EYS: variants seen among roughly 807,000 people sequenced by gnomAD.
EYS encodes EGF-like photoreceptor maintenance factor.
EYS carries 250 observed loss-of-function variants against 282.1 expected under a neutral mutation model. That is an observed-to-expected ratio of 0.89 (90% CI 0.80 to 0.98). EYS has a LOEUF of 0.98. EYS is among the 50% of genes least tolerant of loss of function. The pLI, the probability that EYS is intolerant of heterozygous loss-of-function variation, is 0.00. For synonymous variants in EYS, 1,355 were observed against 1,282.9 expected (o/e 1.06, Z -1.20); for missense variants, 4,016 against 3,709.0 (o/e 1.08, Z -2.15).
chr6:64,369,216 A>G (rs181961880), intron 29 of EYS, among the ~76,000 whole-genome samples: 6 of 152,162 alleles, frequency 3.9e-5, no homozygotes, highest in Non-Finnish European at 7.4e-5. Flanking sequence ...AGTTTTGTCA[A>G]TCAGATAGTT....
chr6:63,737,619 G>A (rs1019390279), intron 41 of EYS, among the ~76,000 whole-genome samples: 1 of 152,176 alleles, frequency 6.6e-6, no homozygotes, highest in Non-Finnish European at 1.5e-5. Flanking sequence ...GGTTAGGGAG[G>A]ATTCCCTCTT....
In EYS at chr6:65,412,993, G is replaced by A. The variant is rs181315817; in HGVS notation, c.863-7626C>T. ...TTTTGTTGTGCACATTTTAAGATGT[G>A]ATTTTCTGTGCCTTGGATTTTTAAT... On this transcript the variant is annotated intron_variant, in intron 5 of 42. Transcript: ENST00000503581. Among the ~76,000 whole-genome samples the A allele has an allele frequency of 4.6e-3, 704 of 152,132 alleles. 6 individuals are homozygous for A. Among genetic ancestry groups the A allele is most frequent in the African/African-American group, 0.016 (669 of 41,516 alleles).
At chr6:64,704,362 C>A (rs1770900738) in intron 22 of EYS, among the ~76,000 whole-genome samples, 1 of 144,152 alleles carries the variant, frequency 6.9e-6, no homozygotes, top group Non-Finnish European at 1.5e-5. Flanking sequence ...CTACATTTAT[C>A]TTTCTTATAC....
At chr6:64,176,983 C>G (rs1204075426) in intron 31 of EYS, among the ~76,000 whole-genome samples, 2 of 149,856 alleles carry the variant, frequency 1.3e-5, no homozygotes, top group Non-Finnish European at 3.0e-5. Flanking sequence ...TTTGAAAATT[C>G]TCCCTCCTTT....
At chr6:64,515,026 T>C (rs1777523024) in intron 26 of EYS, among the ~76,000 whole-genome samples, 1 of 151,794 alleles carries the variant, frequency 6.6e-6, no homozygotes. Context: ...GAATTTATTT[T>C]CCACACAGGT....
intron 22 of EYS, among the ~76,000 whole-genome samples, chr6:64,765,808 C>A (rs1271931820): frequency 6.6e-6 from 1 of 152,016 alleles, no homozygotes; most frequent in Non-Finnish European, 1.5e-5. Context: ...CCCCATGATC[C>A]AATCACCTCC....
chr6:65,084,463 C>T (rs921519528), intron 12 of EYS, among the ~76,000 whole-genome samples: 1 of 152,124 alleles, frequency 6.6e-6, no homozygotes, highest in Non-Finnish European at 1.5e-5. Flanking sequence ...GTAAATGCTA[C>T]TCCAAGAAAG....
At chr6:65,182,631 A>T (rs1765418891) in intron 12 of EYS, among the ~76,000 whole-genome samples, 1 of 151,900 alleles carries the variant, frequency 6.6e-6, no homozygotes, top group African/African-American at 2.4e-5. Flanking sequence ...AATCCTCACA[A>T]ATCTATTAGT....
chr6:63,948,364 A>T (rs1382049373), intron 35 of EYS, among the ~76,000 whole-genome samples: 1 of 152,176 alleles, frequency 6.6e-6, no homozygotes, highest in Non-Finnish European at 1.5e-5. Flanking sequence ...ACTGGAGGAG[A>T]ACATGCTTCT....
intron 22 of EYS, among the ~76,000 whole-genome samples, chr6:64,739,775 T>C (rs1216989598): frequency 2.0e-5 from 3 of 152,114 alleles, no homozygotes; most frequent in Admixed American, 1.3e-4. Flanking sequence ...TTCTCAGAAA[T>C]TCTAAAATGT....
chr6:64,587,516 T>C (rs1459509403), intron 26 of EYS, among the ~76,000 whole-genome samples: 2 of 152,090 alleles, frequency 1.3e-5, no homozygotes, highest in Non-Finnish European at 2.9e-5. Flanking sequence ...ACCAGAGTTT[T>C]TATAAAGATT....
chr6:64,075,273 C>A (rs1405225368), intron 32 of EYS, among the ~76,000 whole-genome samples: 1 of 151,846 alleles, frequency 6.6e-6, no homozygotes. Flanking sequence ...TTAGGGTAAG[C>A]TAGTTTGTCA....
intron 22 of EYS, among the ~76,000 whole-genome samples, chr6:64,774,181 T>C (rs57592722): frequency 0.021 from 3,144 of 152,066 alleles, 121 homozygotes; most frequent in African/African-American, 0.072. Flanking sequence ...TGATCCTGGT[T>C]GCACTTCTGA....
intron 5 of EYS, among the ~76,000 whole-genome samples, chr6:65,424,034 T>C (rs1259767818): frequency 6.6e-6 from 1 of 151,988 alleles, no homozygotes; most frequent in Non-Finnish European, 1.5e-5. Flanking sequence ...CCTAGCTTTC[T>C]TGGGAACACC....
chr6:64,498,374 G>C (rs1262661186), intron 26 of EYS, among the ~76,000 whole-genome samples: 1 of 151,918 alleles, frequency 6.6e-6, no homozygotes, highest in African/African-American at 2.4e-5. Context: ...CTTATCTACT[G>C]GTATGTAGAT....
At chr6:63,930,245 A>G (rs1764845059) in intron 35 of EYS, among the ~76,000 whole-genome samples, 1 of 152,080 alleles carries the variant, frequency 6.6e-6, no homozygotes, top group Non-Finnish European at 1.5e-5. Flanking sequence ...AAATATATAC[A>G]ATTATTATTT....
intron 5 of EYS, among the ~76,000 whole-genome samples, chr6:65,431,638 G>A (rs985337972): frequency 5.9e-5 from 9 of 151,828 alleles, no homozygotes; most frequent in Admixed American, 4.6e-4. Flanking sequence ...ATTATGTGTT[G>A]GAAAAAATTG....
chr6:65,670,068 A>G (rs948668386), intron 1 of EYS, among the ~76,000 whole-genome samples: 1 of 152,034 alleles, frequency 6.6e-6, no homozygotes, highest in Non-Finnish European at 1.5e-5. Context: ...AGAAATTAGA[A>G]CAAATACAAC....
At chr6:64,127,860 T>C (rs1386098427) in intron 31 of EYS, among the ~76,000 whole-genome samples, 2 of 152,120 alleles carry the variant, frequency 1.3e-5, no homozygotes, top group Admixed American at 1.3e-4. Flanking sequence ...ACTTATTATA[T>C]GGGAAAATAA....
Sources: allele counts gnomAD v4.1 joint callset (sites outside exome capture counted in the v4.1 genomes callset), GRCh38; gene constraint gnomAD v4.1.1; transcripts MANE v1.5; gene names NCBI Gene and HGNC (gene_info 2026-07-23, HGNC 2026-07-21).